Variants in MAP7 observed in about 807,000 individuals in gnomAD.
The protein encoded by MAP7 is ensconsin.
MAP7 carries 52 observed loss-of-function variants against 94.8 expected under a neutral mutation model. That is an observed-to-expected ratio of 0.55 (90% CI 0.44 to 0.69). The LOEUF (loss-of-function observed/expected upper bound fraction) is 0.69. MAP7 is among the 30% of genes least tolerant of loss of function. The probability of loss-of-function intolerance (pLI) is 0.00; values close to 1 mark genes in which losing one functional copy is unlikely to be tolerated. For missense variants in MAP7, 940 were observed against 964.6 expected (o/e 0.97, Z 0.34); for synonymous variants, 350 against 357.0 (o/e 0.98, Z 0.22).
intron 1 of MAP7, among the ~76,000 whole-genome samples, chr6:136,480,534 C>T (rs973186778): frequency 2.1e-5 from 3 of 144,502 alleles, no homozygotes; most frequent in African/African-American, 5.1e-5. Context: ...CCCAGCTACT[C>T]GGGAGGCTGA....
At chr6:136,415,400 G>A (rs899901871) in intron 2 of MAP7, among the ~76,000 whole-genome samples, 11 of 152,266 alleles carry the variant, frequency 7.2e-5, no homozygotes, top group Non-Finnish European at 1.0e-4. Context: ...TTAAGTATGT[G>A]CCATGTCTAG....
chr6:136,531,400 A>G (rs1162308605), intron 1 of MAP7, among the ~76,000 whole-genome samples: 1 of 144,736 alleles, frequency 6.9e-6, no homozygotes, highest in African/African-American at 2.9e-5. Context: ...CACCATTAGA[A>G]AGAAAATGAA....
At chr6:136,349,608 G>A (rs2128522301) in intron 16 of MAP7, among the ~76,000 whole-genome samples, 1 of 152,322 alleles carries the variant, frequency 6.6e-6, no homozygotes, top group South Asian at 2.1e-4. Context: ...CTGGGCTCAA[G>A]TGATCTGCTT....
At chr6:136,368,638 AC>A (rs1794904025) in intron 8 of MAP7, among the ~76,000 whole-genome samples, 1 of 152,344 alleles carries the variant, frequency 6.6e-6, no homozygotes, top group Admixed American at 6.5e-5. Context: ...AATTTGAAAA[AC>A]AACTCTATTT....
At chr6:136,380,347 C>T (rs1259300332) in intron 6 of MAP7, among the ~76,000 whole-genome samples, 1 of 152,122 alleles carries the variant, frequency 6.6e-6, no homozygotes, top group Non-Finnish European at 1.5e-5. Context: ...GTTGCCAGGT[C>T]CTGATTTTTT....
chr6:136,543,123 A>G (rs1252192214), intron 1 of MAP7, among the ~76,000 whole-genome samples: 1 of 152,198 alleles, frequency 6.6e-6, no homozygotes, highest in African/African-American at 2.4e-5. Flanking sequence ...CCCAGAATAG[A>G]TGAAAACTAT....
chr6:136,415,465 A>T (rs1004530449), intron 2 of MAP7, among the ~76,000 whole-genome samples: 2 of 152,208 alleles, frequency 1.3e-5, no homozygotes, highest in African/African-American at 2.4e-5. Flanking sequence ...GAAGGCTTTA[A>T]TAACACATGG....
At chr6:136,493,524 C>T (rs992080005) in intron 1 of MAP7, among the ~76,000 whole-genome samples, 14 of 152,120 alleles carry the variant, frequency 9.2e-5, no homozygotes, top group Admixed American at 7.9e-4. Flanking sequence ...CTCAAGGGAT[C>T]CTGTCTCAGA....
Position 136,464,431 on chromosome 6 carries a change from T to C in MAP7, c.68-42632A>G, listed in dbSNP as rs539959962. On this transcript the variant is annotated intron_variant, in intron 1 of 17. Transcript: ENST00000354570. ...CACATTCACGTAACTCCTATTACTCTATATTGTTATAACTGCTCTATTTTA... is the reference window on the plus strand; with the variant it reads ...CACATTCACGTAACTCCTATTACTCCATATTGTTATAACTGCTCTATTTTA... Among the ~76,000 whole-genome samples, 13 of 152,376 alleles carry C rather than the reference T, an allele frequency of 8.5e-5. No homozygotes were observed. In the East Asian group the frequency reaches 2.3e-3, roughly 27 times the overall value.
At position 136,344,224 on chromosome 6, in the gene MAP7, A is replaced by G. The variant is rs888185367; in HGVS notation, c.*4T>C. On this transcript the variant is annotated 3_prime_UTR_variant, in exon 18 of 18. Transcript: ENST00000354570. ...TTTCAGCTTTGGTTCTTCAGAAGAA[A>G]CACTCATATAACTTCTACATGAAGA... 4.5e-6 allele frequency: 6 copies of G among 1,329,574 alleles called. No homozygotes were observed. Among genetic ancestry groups the G allele is most frequent in the Non-Finnish European group, 6.0e-6 (6 of 994,884 alleles). 82.4% of individuals were successfully genotyped at this position (1,329,574 alleles called of 1,614,324 possible).
At chr6:136,420,271 A>G in intron 2 of MAP7, 1 of 906,416 alleles carries the variant, frequency 1.1e-6, no homozygotes, top group Non-Finnish European at 1.8e-6. Context: ...ATCGCAGAAG[A>G]GCCGGCCATG....
At chr6:136,421,578 C>A in intron 2 of MAP7, 123 bp downstream of exon 2, 2 of 813,822 alleles carry the variant, frequency 2.5e-6, no homozygotes, top group South Asian at 3.4e-5. Flanking sequence ...AAACCAAGCT[C>A]TCCTAAATTC....
At chr6:136,392,949 A>C (rs1781207884) in intron 3 of MAP7, among the ~76,000 whole-genome samples, 1 of 152,256 alleles carries the variant, frequency 6.6e-6, no homozygotes, top group Non-Finnish European at 1.5e-5. Context: ...ACAAGAGAAA[A>C]TAAGAAATAA....
At chr6:136,451,695 T>G (rs527782034) in intron 1 of MAP7, among the ~76,000 whole-genome samples, 2 of 152,354 alleles carry the variant, frequency 1.3e-5, no homozygotes, top group African/African-American at 4.8e-5. Context: ...TTCTCCATTC[T>G]AGATGCCATT....
intron 1 of MAP7, among the ~76,000 whole-genome samples, chr6:136,519,559 T>C (rs969812204): frequency 6.6e-6 from 1 of 152,208 alleles, no homozygotes; most frequent in South Asian, 2.1e-4. Context: ...TCATCACTTA[T>C]CTGATAGGAA....
intron 1 of MAP7, among the ~76,000 whole-genome samples, chr6:136,476,894 T>G (rs79606009): frequency 0.014 from 2,094 of 152,232 alleles, 85 homozygotes; most frequent in East Asian, 0.14. Flanking sequence ...AAGAGAGAAG[T>G]TAGACCTCTT....
intron 1 of MAP7, among the ~76,000 whole-genome samples, chr6:136,468,015 G>T (rs955792386): frequency 1.3e-5 from 2 of 151,950 alleles, no homozygotes; most frequent in African/African-American, 4.8e-5. Flanking sequence ...TGGAACTACC[G>T]ACTCCTTAGG....
At chr6:136,516,573 A>G (rs1442792291) in intron 1 of MAP7, among the ~76,000 whole-genome samples, 1 of 152,202 alleles carries the variant, frequency 6.6e-6, no homozygotes, top group Non-Finnish European at 1.5e-5. Flanking sequence ...CAAGCGAGAC[A>G]GTATCTACTT....
chr6:136,435,703 T>A (rs532765537), intron 1 of MAP7, among the ~76,000 whole-genome samples: 1 of 152,310 alleles, frequency 6.6e-6, no homozygotes, highest in African/African-American at 2.4e-5. Context: ...GTTTTGATAC[T>A]GAGTTTGGTT....
Sources: allele counts gnomAD v4.1 joint callset (sites outside exome capture counted in the v4.1 genomes callset), GRCh38; gene constraint gnomAD v4.1.1; transcripts MANE v1.5; gene names NCBI Gene and HGNC (gene_info 2026-07-23, HGNC 2026-07-21).